The following NOX4 variants were observed in gnomAD, a reference collection of about 807,000 sequenced individuals.
NOX4 encodes kidney oxidase-1.
In NOX4, 69 loss-of-function variants were observed where a neutral mutation model predicts 87.6. The observed-to-expected ratio is 0.79, with a 90% CI of 0.65 to 0.96. NOX4 has a LOEUF of 0.96. NOX4 is among the 40% of genes least tolerant of loss of function. NOX4 has a pLI of 0.00. For missense variants in NOX4, 680 were observed against 681.5 expected, an observed-to-expected ratio of 1.00 and a Z score of 0.02; for synonymous variants, 275 against 238.2, an observed-to-expected ratio of 1.15 and a Z score of -1.42.
chr11:89,459,015 C>G (rs1435944540), intron 2 of NOX4, among the ~76,000 whole-genome samples: 1 of 152,194 alleles, frequency 6.6e-6, no homozygotes, highest in East Asian at 1.9e-4. Flanking sequence ...ATACATTCAT[C>G]ACAGCACTAT....
At chr11:89,441,118 A>C (rs1944435273) in intron 5 of NOX4, among the ~76,000 whole-genome samples, 1 of 152,204 alleles carries the variant, frequency 6.6e-6, no homozygotes, top group Admixed American at 6.5e-5. Context: ...AGATGTGAAG[A>C]CAGAATTAAA....
chr11:89,335,903 A>T lies in NOX4; in HGVS notation c.1558T>A (p.Phe520Ile), dbSNP rs1339156178. The change falls in exon 17 of 18, where the codon TTT becomes ATT. Residue 520 changes from phenylalanine (F) to isoleucine (I), a missense_variant. Transcript: ENST00000263317. Reference sequence around the variant, plus strand: ...AGTTTCCACCGAGGACGTCCTATAAACAGTCTTGAATTCAGTGCATGATAT... The same window carrying T: ...AGTTTCCACCGAGGACGTCCTATAATCAGTCTTGAATTCAGTGCATGATAT... ...EKYHALNSRL[F>I]IGRPRWKLLF... 18 of 1,601,218 alleles carry T rather than the reference A, an allele frequency of 1.1e-5. No homozygotes were observed. The highest frequency in any genetic ancestry group is 1.4e-5 in the Non-Finnish European group (17 of 1,173,870).
intron 11 of NOX4, among the ~76,000 whole-genome samples, chr11:89,375,305 TTTG>T (rs527557507): frequency 5.3e-5 from 8 of 152,048 alleles, no homozygotes; most frequent in East Asian, 1.9e-4. Context: ...CATTGTAACT[TTTG>T]TTGTTGTTGT....
At chr11:89,366,977 A>G (rs1278676976) in intron 12 of NOX4, among the ~76,000 whole-genome samples, 1 of 152,140 alleles carries the variant, frequency 6.6e-6, no homozygotes, top group Non-Finnish European at 1.5e-5. Context: ...CTTAAATTGT[A>G]GTACACATAT....
At chr11:89,570,444 C>A in the NOX4 span, among the ~76,000 whole-genome samples, 1 of 152,112 alleles carries the variant, frequency 6.6e-6, no homozygotes, top group Non-Finnish European at 1.5e-5. Context: ...GAAACCCCTG[C>A]AACATGCAAT....
chr11:89,421,924 G>GAGT lies in NOX4; in HGVS notation c.606_607insACT (p.Met202_Leu203insThr). On this transcript the variant is annotated inframe_insertion, in exon 8 of 18. Transcript: ENST00000263317. Reference sequence around the variant, plus strand: ...TACCCTGAAACATGCAACGTCAGCAGCATGTAGAAGACAAAGAAGAGGTTA... The same window carrying GAGT: ...TACCCTGAAACATGCAACGTCAGCAGAGTCATGTAGAAGACAAAGAAGAGGTTA... 1 of 1,570,890 alleles carries GAGT rather than the reference G, an allele frequency of 6.4e-7. No individual in the cohort carries two copies. Among genetic ancestry groups the GAGT allele is most frequent in the Non-Finnish European group, 8.6e-7 (1 of 1,161,966 alleles).
the NOX4 span, among the ~76,000 whole-genome samples, chr11:89,582,477 G>A: frequency 1.3e-5 from 2 of 151,936 alleles, no homozygotes; most frequent in East Asian, 3.9e-4. Flanking sequence ...CATCATAGCT[G>A]CACTAATTTA....
upstream of NOX4, among the ~76,000 whole-genome samples, chr11:89,492,425 G>T (rs1408523177): frequency 6.6e-6 from 1 of 152,092 alleles, no homozygotes; most frequent in Non-Finnish European, 1.5e-5. Flanking sequence ...TACAACACAG[G>T]CCATAGGATA....
At position 89,369,890 on chromosome 11, in the gene NOX4, G is replaced by C. The variant is rs367872139; in HGVS notation, c.1135+3542C>G. 6.6e-5 allele frequency among the ~76,000 whole-genome samples: 10 copies of C among 151,490 alleles called. No homozygotes were observed. The Admixed American group carries it at 6.6e-4, about 10-fold the overall frequency. ...AAAGTAATAACATTAATATAAATTA[G>C]TGTGGTTATAATCTGACTTACAAGG... On this transcript the variant is annotated intron_variant, in intron 12 of 17. Transcript: ENST00000263317.
chr11:89,346,472 TA>T (rs537516845), intron 13 of NOX4, among the ~76,000 whole-genome samples: 2,141 of 139,118 alleles, frequency 0.015, 53 homozygotes, highest in African/African-American at 0.048. Context: ...TGCCTAAAAA[TA>T]AAAAAAAAAA....
chr11:89,553,720 C>G, the NOX4 span, among the ~76,000 whole-genome samples: 1 of 151,968 alleles, frequency 6.6e-6, no homozygotes, highest in Non-Finnish European at 1.5e-5. Flanking sequence ...TATAGCCAAG[C>G]AGATACAGCC....
At chr11:89,580,338 C>A in the NOX4 span, among the ~76,000 whole-genome samples, 9 of 151,962 alleles carry the variant, frequency 5.9e-5, no homozygotes, top group Admixed American at 5.9e-4. Flanking sequence ...GTGCGCACCA[C>A]CACACCTTGC....
chr11:89,330,834 A>G (rs1057507917), intron 17 of NOX4, among the ~76,000 whole-genome samples: 2 of 152,084 alleles, frequency 1.3e-5, no homozygotes, highest in Admixed American at 6.6e-5. Context: ...CACTGAAAAT[A>G]AAAAGCTTCA....
the NOX4 span, among the ~76,000 whole-genome samples, chr11:89,511,369 C>A: frequency 2.6e-5 from 4 of 151,760 alleles, no homozygotes; most frequent in Non-Finnish European, 5.9e-5. Context: ...AATTTTATAC[C>A]CTTTTGTCAA....
At position 89,360,963 on chromosome 11, in the gene NOX4, G is replaced by A. The variant is rs142373040; in HGVS notation, c.1136-5920C>T. ...GTCTAAAAACAATAGATGTTGGTAT[G>A]GATGTGGTAAAAAGGGAACACTTTT... On this transcript the variant is annotated intron_variant, in intron 12 of 17. Transcript: ENST00000263317. 8.6e-4 allele frequency among the ~76,000 whole-genome samples: 131 copies of A among 152,182 alleles called. 3 individuals are homozygous for A. In the East Asian group the frequency reaches 0.025, roughly 29 times the overall value.
At chr11:89,396,527 T>C (rs963570841) in intron 11 of NOX4, among the ~76,000 whole-genome samples, 7 of 151,948 alleles carry the variant, frequency 4.6e-5, no homozygotes, top group African/African-American at 1.7e-4. Context: ...GACTGGCAAA[T>C]TGGATAAAGA....
chr11:89,577,578 T>G, the NOX4 span: 3 of 152,198 alleles, frequency 2.0e-5, no homozygotes, highest in African/African-American at 7.2e-5. Context: ...AAATTGAGAT[T>G]AGAAAGATTA....
chr11:89,336,773 C>T (rs1342767070), intron 16 of NOX4, among the ~76,000 whole-genome samples: 2 of 151,830 alleles, frequency 1.3e-5, no homozygotes, highest in Non-Finnish European at 2.9e-5. Context: ...GGTAGAAATA[C>T]GACTGGAAAA....
At chr11:89,376,662 C>A (rs1939862416) in intron 11 of NOX4, among the ~76,000 whole-genome samples, 1 of 152,110 alleles carries the variant, frequency 6.6e-6, no homozygotes, top group African/African-American at 2.4e-5. Flanking sequence ...GCAGGTGGAT[C>A]ACAAGGTCAT....
Sources: gnomAD v4.1 joint callset for allele counts (sites outside exome capture counted in the v4.1 genomes callset) on GRCh38, gnomAD v4.1.1 for gene constraint, MANE v1.5 for transcripts, NCBI Gene and HGNC (gene_info 2026-07-23, HGNC 2026-07-21) for gene names.